The following PRKG1 variants were observed in gnomAD, a reference collection of about 807,000 sequenced individuals.
PRKG1 encodes the protein cGMP-dependent protein kinase 1.
A neutral mutation model predicts 88.1 loss-of-function variants in PRKG1; 35 were observed. That is an observed-to-expected ratio of 0.40 (90% CI 0.30 to 0.53). The LOEUF (loss-of-function observed/expected upper bound fraction) is 0.53, where lower values mean the gene tolerates loss of function less well. Among genes scored for constraint, PRKG1 ranks in the 20% least tolerant of loss-of-function variants. The pLI is 0.59. For synonymous variants in PRKG1, 303 were observed against 292.5 expected (o/e 1.04, Z -0.37); for missense variants, 540 against 839.8 (o/e 0.64, Z 4.41).
rs530283705 is a variant in PRKG1 at position 52,292,968 on chromosome 10, A to G, written c.1963-834A>G. Among the ~76,000 whole-genome samples, 471 of 152,262 alleles carry G rather than the reference A, an allele frequency of 3.1e-3. 1 individual carries two copies. The highest frequency in any genetic ancestry group is 0.011 in the African/African-American group (456 of 41,544). ...TTCAATTAGGAAAAGAGGAAGTCAA[A>G]TTGTCCCTGTTTGCAGATGACATGA... On this transcript the variant is annotated intron_variant, in intron 17 of 17. Transcript: ENST00000373980.
At chr10:51,720,177 C>A (rs978243480) in intron 3 of PRKG1, among the ~76,000 whole-genome samples, 1 of 152,114 alleles carries the variant, frequency 6.6e-6, no homozygotes. Flanking sequence ...CTACCTTCCC[C>A]CTTAAAGTGT....
At chr10:51,215,753 A>G (rs1316020957) in intron 2 of PRKG1, among the ~76,000 whole-genome samples, 1 of 152,124 alleles carries the variant, frequency 6.6e-6, no homozygotes, top group Non-Finnish European at 1.5e-5. Context: ...TATGACAAAA[A>G]CTTGGTAGCC....
intron 3 of PRKG1, among the ~76,000 whole-genome samples, chr10:51,687,066 A>G (rs374397901): frequency 6.6e-6 from 1 of 152,142 alleles, no homozygotes; most frequent in South Asian, 2.1e-4. Flanking sequence ...TGATGTCACC[A>G]CTTGAAAGGC....
chr10:51,148,612 G>A (rs1845995168), intron 1 of PRKG1, among the ~76,000 whole-genome samples: 1 of 152,082 alleles, frequency 6.6e-6, no homozygotes, highest in African/African-American at 2.4e-5. Context: ...CACACTTCAG[G>A]CCTCTGGAGA....
chr10:51,755,010 A>G (rs1272225700), intron 3 of PRKG1, among the ~76,000 whole-genome samples: 1 of 108,414 alleles, frequency 9.2e-6, no homozygotes, highest in Admixed American at 8.5e-5. Flanking sequence ...GAACTCAATT[A>G]CAAAAAAAAA....
intron 5 of PRKG1, among the ~76,000 whole-genome samples, chr10:52,034,191 G>A (rs1398187209): frequency 3.9e-5 from 6 of 151,996 alleles, no homozygotes; most frequent in Middle Eastern, 3.4e-3. Context: ...GCTTGGCTTG[G>A]GCTCAGAGGC....
At chr10:52,159,122 G>C (rs898415275) in intron 8 of PRKG1, among the ~76,000 whole-genome samples, 1 of 151,126 alleles carries the variant, frequency 6.6e-6, no homozygotes, top group Non-Finnish European at 1.5e-5. Context: ...GAGTCCTATG[G>C]GTGATTTCTT....
At chr10:51,608,848 T>C (rs1838832373) in intron 3 of PRKG1, among the ~76,000 whole-genome samples, 1 of 152,152 alleles carries the variant, frequency 6.6e-6, no homozygotes, top group African/African-American at 2.4e-5. Context: ...GTAGGTCTAG[T>C]ATAATGTGTG....
chr10:51,988,018 A>G (rs1212411193), intron 5 of PRKG1, among the ~76,000 whole-genome samples: 2 of 152,084 alleles, frequency 1.3e-5, no homozygotes, highest in Non-Finnish European at 2.9e-5. Flanking sequence ...ATAAAATGTT[A>G]TAGTTCAGTC....
chr10:51,252,121 A>G (rs1320224956), intron 2 of PRKG1, among the ~76,000 whole-genome samples: 1 of 151,804 alleles, frequency 6.6e-6, no homozygotes, highest in Non-Finnish European at 1.5e-5. Context: ...ATGTCAGATC[A>G]GACCATATAC....
At chr10:51,409,230 C>T (rs2132683355) in intron 2 of PRKG1, among the ~76,000 whole-genome samples, 1 of 152,258 alleles carries the variant, frequency 6.6e-6, no homozygotes, top group South Asian at 2.1e-4. Flanking sequence ...AGGCCCTAGT[C>T]TTGTCTTCCT....
intron 2 of PRKG1, among the ~76,000 whole-genome samples, chr10:51,274,406 A>G (rs1840061257): frequency 6.6e-6 from 1 of 152,180 alleles, no homozygotes; most frequent in Non-Finnish European, 1.5e-5. Flanking sequence ...ACTGCACACT[A>G]AAAAATTGCC....
intron 17 of PRKG1, among the ~76,000 whole-genome samples, chr10:52,292,872 A>T (rs913504936): frequency 1.3e-5 from 2 of 152,010 alleles, no homozygotes; most frequent in African/African-American, 4.8e-5. Context: ...GCCCTCTCTC[A>T]CCACTCCTAT....
chr10:51,874,611 A>G (rs974810051), intron 4 of PRKG1, among the ~76,000 whole-genome samples: 1 of 152,234 alleles, frequency 6.6e-6, no homozygotes, highest in African/African-American at 2.4e-5. Flanking sequence ...ACCTTAGCCC[A>G]TTTCCTAAAA....
At chr10:52,263,815 C>T (rs2132420056) in intron 10 of PRKG1, among the ~76,000 whole-genome samples, 1 of 152,164 alleles carries the variant, frequency 6.6e-6, no homozygotes, top group East Asian at 1.9e-4. Flanking sequence ...AAGTGATGGG[C>T]TCACCTCAGC....
intron 3 of PRKG1, among the ~76,000 whole-genome samples, chr10:51,750,017 C>A (rs527642179): frequency 3.0e-4 from 45 of 150,638 alleles, no homozygotes; most frequent in East Asian, 5.9e-4. Flanking sequence ...CTCGCTGCAA[C>A]CTCTGCCTCC....
At chr10:52,043,439 A>T (rs949101523) in intron 5 of PRKG1, among the ~76,000 whole-genome samples, 1 of 152,122 alleles carries the variant, frequency 6.6e-6, no homozygotes, top group Non-Finnish European at 1.5e-5. Context: ...TCTGGAGGAC[A>T]TTAAGTGAAA....
chr10:52,100,041 C>A (rs541134441), intron 7 of PRKG1, among the ~76,000 whole-genome samples: 1 of 152,240 alleles, frequency 6.6e-6, no homozygotes, highest in African/African-American at 2.4e-5. Flanking sequence ...CCAGAGATTT[C>A]GTAAGCCAAA....
At chr10:52,042,353 C>T (rs183133169) in intron 5 of PRKG1, among the ~76,000 whole-genome samples, 13 of 152,184 alleles carry the variant, frequency 8.5e-5, no homozygotes, top group African/African-American at 3.1e-4. Context: ...AACCAAAACA[C>T]ATGGTACTAG....
Sources: allele counts gnomAD v4.1 joint callset (sites outside exome capture counted in the v4.1 genomes callset), GRCh38; gene constraint gnomAD v4.1.1; transcripts MANE v1.5; gene names NCBI Gene and HGNC (gene_info 2026-07-23, HGNC 2026-07-21).